WDR53: variants seen among roughly 807,000 people sequenced by gnomAD.
WDR53 encodes the protein WD repeat-containing protein 53.
Under a neutral mutation model 21.3 loss-of-function variants are expected in WDR53, and 19 were observed. The observed-to-expected ratio is 0.89, with a 90% CI of 0.62 to 1.31. The LOEUF (loss-of-function observed/expected upper bound fraction) is 1.31. WDR53 is among the 50% of genes most tolerant of loss of function. The pLI, the probability that WDR53 is intolerant of heterozygous loss-of-function variation, is 0.00. For missense variants in WDR53, 374 were observed against 423.2 expected, an observed-to-expected ratio of 0.88 and a Z score of 1.02; for synonymous variants, 157 against 163.4, an observed-to-expected ratio of 0.96 and a Z score of 0.30.
intron 2 of WDR53, among the ~76,000 whole-genome samples, chr3:196,563,519 A>C (rs1735072461): frequency 6.6e-6 from 1 of 151,962 alleles, no homozygotes; most frequent in African/African-American, 2.4e-5. Flanking sequence ...GTACAGAGAT[A>C]AAATCATTTA....
chr3:196,567,931 T>C (rs575129584), intron 1 of WDR53, among the ~76,000 whole-genome samples: 3 of 152,260 alleles, frequency 2.0e-5, no homozygotes, highest in African/African-American at 7.2e-5. Context: ...TTCTATTTTT[T>C]TGTAGCGACA....
chr3:196,561,101 G>A lies in WDR53; in HGVS notation c.375C>T (p.Asn125=), dbSNP rs1468129900. ...SGAIKILDLE[N]KKVIRSLKRH... ...TCTTCAAGGATCTGATAACTTTCTT[G>A]TTTTCCAAGTCTAGGATTTTGATTG... The change falls in exon 3 of 4, where the codon AAC becomes AAT. Residue 125 remains asparagine (N), a synonymous_variant. Transcript: ENST00000332629. The A allele has an allele frequency of 2.5e-6, 4 of 1,614,212 alleles. No individual in the cohort carries two copies. The highest frequency in any genetic ancestry group is 3.4e-6 in the Non-Finnish European group (4 of 1,180,046).
At chr3:196,561,618 T>TA (rs1734882886) in intron 2 of WDR53, 127 bp from the exon 3 acceptor site, 1 of 990,932 alleles carries the variant, frequency 1.0e-6, no homozygotes. Context: ...AAAACTCAAT[T>TA]AATTAAAAAA....
intron 2 of WDR53, among the ~76,000 whole-genome samples, chr3:196,562,215 A>T (rs1734940472): frequency 6.6e-6 from 1 of 152,094 alleles, no homozygotes; most frequent in Admixed American, 6.6e-5. Flanking sequence ...AGATCTACTG[A>T]ATCTGAAAAT....
chr3:196,563,963 C>CA (rs1207218288), intron 2 of WDR53, among the ~76,000 whole-genome samples: 1 of 152,086 alleles, frequency 6.6e-6, no homozygotes, highest in Non-Finnish European at 1.5e-5. Context: ...AACGTGATCA[C>CA]AAAATCAAAT....
chr3:196,560,533 A>G (rs1734734992), intron 3 of WDR53, among the ~76,000 whole-genome samples: 1 of 152,188 alleles, frequency 6.6e-6, no homozygotes, highest in South Asian at 2.1e-4. Context: ...CACCGTGCCC[A>G]GCCGTGATGC....
At chr3:196,559,874 T>C (rs1358450037) in intron 3 of WDR53, among the ~76,000 whole-genome samples, 1 of 148,404 alleles carries the variant, frequency 6.7e-6, no homozygotes, top group East Asian at 1.9e-4. Flanking sequence ...GAATTTCAGT[T>C]TCTTTATTTA....
At position 196,561,205 on chromosome 3, in the gene WDR53, G is replaced by C. The variant is rs1734816026; in HGVS notation, c.271C>G (p.His91Asp). 3 of 1,614,222 alleles carry C rather than the reference G, an allele frequency of 1.9e-6. No homozygotes were observed. The East Asian group carries it at 6.7e-5, about 36-fold the overall frequency. ...CAATTGATTTCTTCTTCATTCACAT[G>C]AAAATGGTCCAAGGAATCTTTGAGG... ...RSLKDSLDHFHVNEEEINCLS... is the reference protein window; with the variant it reads ...RSLKDSLDHFDVNEEEINCLS... Residue 91 changes from histidine to aspartate, a missense_variant, in exon 3 of 4, where the codon CAT becomes GAT. Coordinates refer to ENST00000332629, the MANE Select transcript of WDR53 (RefSeq NM_182627.3).
intron 2 of WDR53, among the ~76,000 whole-genome samples, chr3:196,564,331 T>C (rs1735163500): frequency 6.6e-6 from 1 of 152,154 alleles, no homozygotes; most frequent in African/African-American, 2.4e-5. Context: ...TTGAATTGAG[T>C]ATTGAAAAGT....
rs1350774302 is a variant in WDR53, at chr3:196,554,683, G to A, written c.605C>T (p.Ser202Phe). The A allele has an allele frequency of 6.2e-7, 1 of 1,614,176 alleles. No homozygotes were observed. The highest frequency in any genetic ancestry group is 1.7e-5 in the Admixed American group (1 of 60,014). The change falls in exon 4 of 4, where the codon TCT becomes TTT. Residue 202 changes from serine (S) to phenylalanine (F), a missense_variant. Ser to Phe is a radical substitution (Grantham distance 155). Transcript: ENST00000332629. Reference sequence around the variant, plus strand: ...ATTACCACACGAAGCCACAGAGATAGAATGGGCTAGGGCAGGGTTTAAGAG... The same window carrying A: ...ATTACCACACGAAGCCACAGAGATAAAATGGGCTAGGGCAGGGTTTAAGAG... ...GQLLNPALAH[S>F]ISVASCGNIF...
At chr3:196,561,559 T>A in intron 2 of WDR53, 68 bp from the exon 3 acceptor site, 2 of 1,386,332 alleles carry the variant, frequency 1.4e-6, no homozygotes, top group Non-Finnish European at 1.9e-6. Flanking sequence ...GAGACAGATG[T>A]AATAAACAAT....
chr3:196,554,773 A>G lies in WDR53; in HGVS notation c.515T>C (p.Leu172Pro). Residue 172 changes from leucine to proline, a missense_variant, in exon 4 of 4, where the codon CTC becomes CCC. Coordinates refer to ENST00000332629, the MANE Select transcript of WDR53 (RefSeq NM_182627.3). ...ATCCTCCTGTAAATTTGTAATCCAGAGTGGTCGGGCTTTTTGAAGACTCCA... is the reference window on the plus strand; with the variant it reads ...ATCCTCCTGTAAATTTGTAATCCAGGGTGGTCGGGCTTTTTGAAGACTCCA... ...MLWSLQKARPLWITNLQEDET... is the reference protein window; with the variant it reads ...MLWSLQKARPPWITNLQEDET... The G allele has an allele frequency of 6.2e-7, 1 of 1,614,098 alleles. No individual in the cohort carries two copies. Among genetic ancestry groups the G allele is most frequent in the Non-Finnish European group, 8.5e-7 (1 of 1,180,026 alleles).
Position 196,567,057 on chromosome 3 carries a change from C to A in WDR53, c.-197G>T. On this transcript the variant is annotated 5_prime_UTR_variant, in exon 2 of 4. The change abolishes an upstream ATG in the 5' untranslated region. Transcript: ENST00000332629. ...TGATCTCTAAACACTCTGCACTAGT[C>A]ATACCACCACCGTCCCGTTCAAGAG... 2.3e-6 allele frequency: 1 copy of A among 429,490 alleles called. No homozygotes were observed. Among genetic ancestry groups the A allele is most frequent in the South Asian group, 1.7e-5 (1 of 59,642 alleles). 26.6% of individuals were successfully genotyped at this position (429,490 alleles called of 1,614,324 possible). A position where few individuals can be genotyped will look rare whatever the true frequency, so the allele number is the denominator to read the frequency against.
At chr3:196,565,608 C>G (rs960296432) in intron 2 of WDR53, among the ~76,000 whole-genome samples, 1 of 152,166 alleles carries the variant, frequency 6.6e-6, no homozygotes, top group Admixed American at 6.5e-5. Flanking sequence ...AATCCATAAA[C>G]TCTGAGGCTA....
chr3:196,561,565 A>G, intron 2 of WDR53, 74 bp from the exon 3 acceptor site: 3 of 1,378,368 alleles, frequency 2.2e-6, no homozygotes. Flanking sequence ...GATGTAATAA[A>G]CAATATTTCA....
chr3:196,561,545 G>A lies in WDR53; in HGVS notation c.-16-54C>T, dbSNP rs2108695828. 4 of 1,484,802 alleles carry A rather than the reference G, an allele frequency of 2.7e-6. No homozygotes were observed. In the South Asian group the frequency reaches 5.4e-5, roughly 20 times the overall value. 92.0% of individuals were successfully genotyped at this position (1,484,802 alleles called of 1,614,324 possible). On this transcript the variant is annotated intron_variant, in intron 2 of 3. Transcript: ENST00000332629. ...TCATGTTTTATACATCGACTTGATGGGAGGAGACAGATGTAATAAACAATA... is the reference window on the plus strand; with the variant it reads ...TCATGTTTTATACATCGACTTGATGAGAGGAGACAGATGTAATAAACAATA...
chr3:196,561,023 GCTCTGAGGC>G lies in WDR53; in HGVS notation c.444_452del (p.Arg148_Gln150del), dbSNP rs765060026. On this transcript the variant is annotated inframe_deletion, in exon 3 of 4. Transcript: ENST00000332629. Reference sequence around the variant, plus strand: ...GCATATCCAGTCCACATGACACCAGGCTCTGAGGCCTCTGAGGCCGAAAAGCCACTGAGG... The same window carrying G: ...GCATATCCAGTCCACATGACACCAGGCTCTGAGGCCGAAAAGCCACTGAGG... 4.2e-5 allele frequency: 67 copies of G among 1,613,938 alleles called. No homozygotes were observed. Among genetic ancestry groups the G allele is most frequent in the Non-Finnish European group, 5.1e-5 (60 of 1,179,988 alleles).
intron 3 of WDR53, among the ~76,000 whole-genome samples, chr3:196,559,500 A>C (rs1364165182): frequency 5.3e-5 from 8 of 152,218 alleles, no homozygotes; most frequent in Non-Finnish European, 1.2e-4. Context: ...CATGGTGACA[A>C]CAAAAACAGT....
At chr3:196,567,986 C>G (rs572575755) in intron 1 of WDR53, among the ~76,000 whole-genome samples, 4 of 152,166 alleles carry the variant, frequency 2.6e-5, no homozygotes, top group African/African-American at 7.2e-5. Context: ...AATTCTTCCC[C>G]TTCCAAGAAT....
Sources: allele counts gnomAD v4.1 joint callset (sites outside exome capture counted in the v4.1 genomes callset), GRCh38; gene constraint gnomAD v4.1.1; transcripts MANE v1.5; gene names NCBI Gene and HGNC (gene_info 2026-07-23, HGNC 2026-07-21).